The following LMNTD1 variants were observed in gnomAD, a reference collection of about 807,000 sequenced individuals.
The protein encoded by LMNTD1 is lamin tail domain-containing protein 1.
Under a neutral mutation model 50.9 loss-of-function variants are expected in LMNTD1, and 35 were observed. The ratio of observed to expected loss-of-function variants is 0.69; its 90% CI spans 0.53 to 0.91. The LOEUF is 0.91. Among genes scored for constraint, LMNTD1 ranks in the 40% least tolerant of loss-of-function variants. LMNTD1 has a pLI of 0.00. For missense variants in LMNTD1, 470 were observed against 475.5 expected, an observed-to-expected ratio of 0.99 and a Z score of 0.11; for synonymous variants, 153 against 161.9, an observed-to-expected ratio of 0.94 and a Z score of 0.42.
chr12:25,511,292 T>A (rs991819767), intron 8 of LMNTD1, among the ~76,000 whole-genome samples: 1 of 152,048 alleles, frequency 6.6e-6, no homozygotes, highest in Non-Finnish European at 1.5e-5. Context: ...AGAGAAGAAA[T>A]GTTTAGGATA....
At chr12:25,635,012 C>T (rs1946798695) in intron 1 of LMNTD1, among the ~76,000 whole-genome samples, 2 of 151,988 alleles carry the variant, frequency 1.3e-5, no homozygotes, top group Admixed American at 1.3e-4. Flanking sequence ...AGGCCGAGGC[C>T]GTGGCTCACC....
At chr12:25,541,998 C>A (rs910872663) in intron 4 of LMNTD1, among the ~76,000 whole-genome samples, 4 of 152,014 alleles carry the variant, frequency 2.6e-5, no homozygotes, top group South Asian at 2.1e-4. Context: ...CCATCAGAGA[C>A]CTGCAAATCA....
At chr12:25,644,667 C>T (rs934771163) in intron 1 of LMNTD1, among the ~76,000 whole-genome samples, 2 of 151,984 alleles carry the variant, frequency 1.3e-5, no homozygotes, top group Admixed American at 6.6e-5. Context: ...ACAGAACTTG[C>T]GTATATGTTG....
intron 1 of LMNTD1, among the ~76,000 whole-genome samples, chr12:25,603,901 A>G (rs962672611): frequency 1.6e-4 from 24 of 151,890 alleles, no homozygotes; most frequent in Non-Finnish European, 2.2e-4. Flanking sequence ...ACTGCAAGTC[A>G]GGGAAATTGT....
chr12:25,646,198 C>T (rs866960855), intron 1 of LMNTD1, among the ~76,000 whole-genome samples: 2 of 151,920 alleles, frequency 1.3e-5, no homozygotes, highest in South Asian at 2.1e-4. Context: ...GGGTGGAAGA[C>T]GTACCCCTTG....
At chr12:25,615,068 C>T (rs984358322) in intron 1 of LMNTD1, among the ~76,000 whole-genome samples, 2 of 152,098 alleles carry the variant, frequency 1.3e-5, no homozygotes, top group African/African-American at 2.4e-5. Flanking sequence ...GGGGAAAGGA[C>T]GTCAACCGAT....
intron 4 of LMNTD1, among the ~76,000 whole-genome samples, chr12:25,527,679 TATACACACACACACACACAC>T (rs1941889391): frequency 1.0e-4 from 2 of 19,276 alleles, no homozygotes; most frequent in African/African-American, 2.8e-4. Context: ...TATATATATA[TATACACACACACACACACAC>T]ACACACACAC....
At chr12:25,642,369 TG>T (rs1437555887) in intron 1 of LMNTD1, among the ~76,000 whole-genome samples, 2 of 152,268 alleles carry the variant, frequency 1.3e-5, no homozygotes, top group Non-Finnish European at 2.9e-5. Flanking sequence ...GTGAGAAAAC[TG>T]GGGCTCTCTC....
At chr12:25,487,139 G>T (rs1938675971) in intron 9 of LMNTD1, among the ~76,000 whole-genome samples, 1 of 147,392 alleles carries the variant, frequency 6.8e-6, no homozygotes, top group Non-Finnish European at 1.5e-5. Context: ...TTCTGTAGAT[G>T]TCTATTAGGT....
At chr12:25,645,464 A>G (rs539771669) in intron 1 of LMNTD1, among the ~76,000 whole-genome samples, 1 of 152,212 alleles carries the variant, frequency 6.6e-6, no homozygotes, top group African/African-American at 2.4e-5. Flanking sequence ...CGTTGCTCAT[A>G]CATTATTACT....
At chr12:25,563,274 T>C (rs1944413649) in intron 1 of LMNTD1, among the ~76,000 whole-genome samples, 1 of 152,192 alleles carries the variant, frequency 6.6e-6, no homozygotes, top group African/African-American at 2.4e-5. Context: ...ATGTTTGTGG[T>C]TTTATCTACC....
At chr12:25,638,098 C>T (rs530463317) in intron 1 of LMNTD1, among the ~76,000 whole-genome samples, 1 of 151,924 alleles carries the variant, frequency 6.6e-6, no homozygotes. Context: ...ACATGATCAC[C>T]TCAATAAAAA....
intron 4 of LMNTD1, 121 bp downstream of exon 4, chr12:25,546,253 T>A: frequency 2.1e-6 from 1 of 480,992 alleles, no homozygotes; most frequent in Non-Finnish European, 3.5e-6. Flanking sequence ...TATATTTCAA[T>A]GAACTGATTA....
At chr12:25,552,488 C>G (rs1943812451) in intron 2 of LMNTD1, among the ~76,000 whole-genome samples, 2 of 149,244 alleles carry the variant, frequency 1.3e-5, no homozygotes, top group South Asian at 4.3e-4. Flanking sequence ...CGCCTGTAGT[C>G]CTAGCTACTC....
intron 1 of LMNTD1, among the ~76,000 whole-genome samples, chr12:25,605,383 T>C (rs1946074518): frequency 6.6e-6 from 1 of 152,214 alleles, no homozygotes; most frequent in African/African-American, 2.4e-5. Context: ...TTTGTTGCCA[T>C]TGCTTTCGGT....
chr12:25,502,106 G>T (rs1591833801), intron 9 of LMNTD1, among the ~76,000 whole-genome samples: 1 of 152,192 alleles, frequency 6.6e-6, no homozygotes, highest in East Asian at 1.9e-4. Flanking sequence ...CTTTTACCGT[G>T]GTAGTTAAGC....
At chr12:25,503,564 T>C (rs76163149) in intron 9 of LMNTD1, among the ~76,000 whole-genome samples, 174 bp downstream of exon 9, 28,011 of 152,164 alleles carry the variant, frequency 0.18, 2,754 homozygotes, top group Middle Eastern at 0.24. Context: ...TCATTCAACA[T>C]GAAGACAAAA....
intron 1 of LMNTD1, among the ~76,000 whole-genome samples, chr12:25,579,843 G>C (rs1439158532): frequency 6.6e-6 from 1 of 151,722 alleles, no homozygotes; most frequent in Non-Finnish European, 1.5e-5. Context: ...GACTCCAATC[G>C]CATCTCTCCA....
intron 1 of LMNTD1, among the ~76,000 whole-genome samples, chr12:25,559,351 C>T (rs970653173): frequency 1.3e-5 from 2 of 152,086 alleles, no homozygotes; most frequent in Non-Finnish European, 2.9e-5. Context: ...CAGCTTCATC[C>T]ACGTCCCTTC....
Sources: gnomAD v4.1 joint callset for allele counts (sites outside exome capture counted in the v4.1 genomes callset) on GRCh38, gnomAD v4.1.1 for gene constraint, MANE v1.5 for transcripts, NCBI Gene and HGNC (gene_info 2026-07-23, HGNC 2026-07-21) for gene names.